Variants in OR51B5 observed in about 807,000 individuals in gnomAD.
OR51B5 encodes the protein olfactory receptor family 51 subfamily B member 5, also known as olfactory receptor 51B5.
For missense variants in OR51B5, 456 were observed against 374.6 expected, an observed-to-expected ratio of 1.22 and a Z score of -1.79; for synonymous variants, 186 against 144.8, an observed-to-expected ratio of 1.28 and a Z score of -2.04.
chr11:5,361,758 T>G (rs1849288480), intron 1 of OR51B5, among the ~76,000 whole-genome samples: 1 of 128,210 alleles, frequency 7.8e-6, no homozygotes, highest in Non-Finnish European at 1.8e-5. Flanking sequence ...GTGATCTAGT[T>G]AGGAAAAAAT....
chr11:5,464,987 G>A (rs892184849), intron 1 of OR51B5, among the ~76,000 whole-genome samples: 137 of 152,060 alleles, frequency 9.0e-4, no homozygotes, highest in African/African-American at 2.9e-3. Flanking sequence ...CGGGCGGATC[G>A]CGAGGTCAGG....
intron 1 of OR51B5, among the ~76,000 whole-genome samples, chr11:5,499,187 C>T (rs1264137146): frequency 7.3e-6 from 1 of 136,756 alleles, no homozygotes; most frequent in Non-Finnish European, 1.6e-5. Flanking sequence ...GAAAAATTGG[C>T]CCCAGTGCCT....
At position 5,501,539 on chromosome 11, in the gene OR51B5, G is replaced by A. The variant is rs553489243; in HGVS notation, n.84+4030C>T. Among the ~76,000 whole-genome samples the A allele has an allele frequency of 1.5e-4, 22 of 147,576 alleles. 1 individual carries two copies. The South Asian group carries it at 3.6e-3, about 24-fold the overall frequency. ...TCCTCTTGCTGATAATTTTCCTCTT[G>A]TCTAAGAAGCTTGACCACACTGGCT... On this transcript the variant is annotated intron_variant and non_coding_transcript_variant, in intron 1 of 4. Coordinates refer to the OR51B5 transcript ENST00000415970.
intron 1 of OR51B5, among the ~76,000 whole-genome samples, chr11:5,490,589 G>A (rs543010069): frequency 6.6e-6 from 1 of 152,188 alleles, no homozygotes; most frequent in Non-Finnish European, 1.5e-5. Context: ...AAATAAATAA[G>A]TCCAGCCATC....
chr11:5,437,368 C>G (rs1850608014), intron 1 of OR51B5, among the ~76,000 whole-genome samples: 1 of 152,144 alleles, frequency 6.6e-6, no homozygotes, highest in Non-Finnish European at 1.5e-5. Context: ...GAGACTGGAG[C>G]TTGAAGGCCA....
chr11:5,495,597 A>G (rs1029611596), intron 1 of OR51B5, among the ~76,000 whole-genome samples: 7 of 152,208 alleles, frequency 4.6e-5, no homozygotes, highest in African/African-American at 1.7e-4. Context: ...TACACAGAAG[A>G]CAAAAATAAA....
chr11:5,351,824 C>T (rs1371899872), intron 1 of OR51B5: 1 of 1,614,040 alleles, frequency 6.2e-7, no homozygotes, highest in South Asian at 1.1e-5. Flanking sequence ...CATACTCTTT[C>T]TGTCATGGAG....
chr11:5,492,300 A>C (rs922645471), intron 1 of OR51B5, among the ~76,000 whole-genome samples: 24 of 152,064 alleles, frequency 1.6e-4, no homozygotes, highest in Non-Finnish European at 3.4e-4. Context: ...CAAAAAATAA[A>C]TTCTTCCCTC....
intron 1 of OR51B5, among the ~76,000 whole-genome samples, chr11:5,348,542 T>G (rs371172089): frequency 2.6e-5 from 4 of 152,152 alleles, no homozygotes; most frequent in Admixed American, 1.3e-4. Flanking sequence ...AAATTAAGCT[T>G]GGACGGAGCT....
At chr11:5,371,313 A>ATTTTT (rs1195921037) in intron 1 of OR51B5, among the ~76,000 whole-genome samples, 1 of 152,166 alleles carries the variant, frequency 6.6e-6, no homozygotes, top group East Asian at 1.9e-4. Context: ...GTTCAAAAAA[A>ATTTTT]TTGAACATAT....
At chr11:5,445,484 A>G (rs1287654130) in intron 1 of OR51B5, among the ~76,000 whole-genome samples, 1 of 152,116 alleles carries the variant, frequency 6.6e-6, no homozygotes, top group Non-Finnish European at 1.5e-5. Flanking sequence ...TTATTCCACC[A>G]ACCAAACAGA....
intron 1 of OR51B5, among the ~76,000 whole-genome samples, chr11:5,434,840 G>A (rs1850572287): frequency 1.3e-5 from 2 of 152,124 alleles, no homozygotes; most frequent in Admixed American, 1.3e-4. Flanking sequence ...CTAGAATCTA[G>A]TTCTTCCAAT....
intron 1 of OR51B5, among the ~76,000 whole-genome samples, chr11:5,376,720 T>C (rs1849534251): frequency 6.6e-6 from 1 of 151,806 alleles, no homozygotes; most frequent in African/African-American, 2.4e-5. Context: ...AAGAAATGGA[T>C]AAATTCCTGG....
chr11:5,398,869 A>G (rs906799029), intron 1 of OR51B5, among the ~76,000 whole-genome samples: 1 of 152,296 alleles, frequency 6.6e-6, no homozygotes, highest in East Asian at 1.9e-4. Flanking sequence ...ATGTGAGTCA[A>G]TTAAACCTCC....
intron 1 of OR51B5, among the ~76,000 whole-genome samples, chr11:5,438,427 C>A (rs1235532615): frequency 6.6e-6 from 1 of 151,804 alleles, no homozygotes; most frequent in South Asian, 2.1e-4. Context: ...CTCTGAATTC[C>A]GAGCTTAAAA....
At position 5,388,730 on chromosome 11, in the gene OR51B5, A is replaced by G. The variant is rs1022104201; in HGVS notation, n.85-41820T>C. 2.0e-5 allele frequency among the ~76,000 whole-genome samples: 3 copies of G among 152,140 alleles called. No homozygotes were observed. In the South Asian group the frequency reaches 6.2e-4, roughly 32 times the overall value. On this transcript the variant is annotated intron_variant and non_coding_transcript_variant, in intron 1 of 4. Coordinates refer to the OR51B5 transcript ENST00000415970. ...TTTATGTATACGTCTCTCTTGCTAT[A>G]TAGTAGTCAACTGAATACAGTAGTA...
At chr11:5,421,716 G>C (rs2736591) in intron 1 of OR51B5, among the ~76,000 whole-genome samples, 55,087 of 152,044 alleles carry the variant, frequency 0.36, 10,082 homozygotes, top group South Asian at 0.4. Context: ...AATAGGTTTA[G>C]AACTAGTGAA....
chr11:5,368,841 G>GCAAGATGTTGGAATTTAC (rs1263684880), intron 1 of OR51B5, among the ~76,000 whole-genome samples: 1 of 152,132 alleles, frequency 6.6e-6, no homozygotes, highest in African/African-American at 2.4e-5. Context: ...GTTCTTAGGA[G>GCAAGATGTTGGAATTTAC]CAAGATGTTG....
chr11:5,352,080 C>G, intron 1 of OR51B5: 1 of 1,613,958 alleles, frequency 6.2e-7, no homozygotes, highest in Non-Finnish European at 8.5e-7. Context: ...CTGACATCAC[C>G]TTCAACCGTC....
Sources: allele counts gnomAD v4.1 joint callset (sites outside exome capture counted in the v4.1 genomes callset), GRCh38; gene constraint gnomAD v4.1.1; transcripts MANE v1.5; gene names NCBI Gene and HGNC (gene_info 2026-07-23, HGNC 2026-07-21).